Variants in ASB7 observed in about 807,000 individuals in gnomAD.
ASB7 encodes the protein ankyrin repeat and SOCS box containing 7.
ASB7 carries 4 observed loss-of-function variants against 32.5 expected under a neutral mutation model. The observed-to-expected ratio is 0.12, with a 90% CI of 0.06 to 0.28. ASB7 has a LOEUF of 0.28. Among genes scored for constraint, ASB7 ranks in the 10% least tolerant of loss-of-function variants. The probability of loss-of-function intolerance (pLI) is 1.00; values close to 1 mark genes in which losing one functional copy is unlikely to be tolerated. For synonymous variants in ASB7, 172 were observed against 155.6 expected (o/e 1.11, Z -0.78); for missense variants, 181 against 407.1 (o/e 0.44, Z 4.78).
chr15:100,635,078 G>A (rs907941160), intron 5 of ASB7, among the ~76,000 whole-genome samples: 4 of 152,146 alleles, frequency 2.6e-5, no homozygotes, highest in Admixed American at 1.3e-4. Flanking sequence ...AAAAGGCAAA[G>A]CAGAGTCAAA....
chr15:100,619,337 G>T (rs2039771595), intron 4 of ASB7, among the ~76,000 whole-genome samples: 1 of 152,218 alleles, frequency 6.6e-6, no homozygotes, highest in South Asian at 2.1e-4. Flanking sequence ...AGGGACATTG[G>T]TGAGGTGTCA....
At chr15:100,624,939 A>G (rs1160817879) in intron 4 of ASB7, among the ~76,000 whole-genome samples, 1 of 152,250 alleles carries the variant, frequency 6.6e-6, no homozygotes, top group Non-Finnish European at 1.5e-5. Flanking sequence ...TATTTACTCC[A>G]GGAGTACAAT....
At chr15:100,606,001 C>T (rs28462671) in intron 2 of ASB7, among the ~76,000 whole-genome samples, 8 of 152,134 alleles carry the variant, frequency 5.3e-5, no homozygotes, top group Non-Finnish European at 1.2e-4. Context: ...GGATCATAAC[C>T]ACTATGCTAT....
chr15:100,618,283 A>T (rs1803786554), intron 4 of ASB7, among the ~76,000 whole-genome samples: 1 of 146,982 alleles, frequency 6.8e-6, no homozygotes, highest in South Asian at 2.2e-4. Context: ...CACCCAGCTA[A>T]TTTTTTTTTT....
At chr15:100,625,475 G>C (rs1263506814) in intron 4 of ASB7, among the ~76,000 whole-genome samples, 1 of 152,098 alleles carries the variant, frequency 6.6e-6, no homozygotes, top group Non-Finnish European at 1.5e-5. Context: ...TAGCAACAAA[G>C]TTTAAAATAT....
chr15:100,637,639 G>C (rs1199434128), intron 5 of ASB7, among the ~76,000 whole-genome samples: 1 of 152,210 alleles, frequency 6.6e-6, no homozygotes, highest in East Asian at 1.9e-4. Context: ...AAGTTCATCA[G>C]TTTGGTTCCA....
At chr15:100,624,168 A>G (rs1002075676) in intron 4 of ASB7, among the ~76,000 whole-genome samples, 1 of 152,222 alleles carries the variant, frequency 6.6e-6, no homozygotes, top group Admixed American at 6.5e-5. Flanking sequence ...TGTTGGTGGT[A>G]GGAGGAGATA....
intron 2 of ASB7, among the ~76,000 whole-genome samples, chr15:100,603,634 C>G (rs76091187): frequency 0.015 from 2,226 of 152,250 alleles, 62 homozygotes; most frequent in African/African-American, 0.052. Context: ...CTTCCTTACT[C>G]TCATAGGAAT....
intron 4 of ASB7, among the ~76,000 whole-genome samples, chr15:100,624,550 A>T (rs1352048024): frequency 6.6e-6 from 1 of 152,252 alleles, no homozygotes; most frequent in Non-Finnish European, 1.5e-5. Flanking sequence ...GGAAAAATGG[A>T]CAGATTTCCT....
At chr15:100,624,173 G>T (rs865787102) in intron 4 of ASB7, among the ~76,000 whole-genome samples, 1 of 152,220 alleles carries the variant, frequency 6.6e-6, no homozygotes, top group South Asian at 2.1e-4. Context: ...GTGGTAGGAG[G>T]AGATAAAGAG....
chr15:100,607,027 C>G (rs933747035), intron 2 of ASB7, among the ~76,000 whole-genome samples: 1 of 152,044 alleles, frequency 6.6e-6, no homozygotes, highest in African/African-American at 2.4e-5. Flanking sequence ...GTGGCACGCT[C>G]CTGTAGTCCC....
At chr15:100,631,090 AG>A (rs2039879771) in intron 5 of ASB7, among the ~76,000 whole-genome samples, 1 of 152,214 alleles carries the variant, frequency 6.6e-6, no homozygotes, top group South Asian at 2.1e-4. Context: ...TGAATTTTGC[AG>A]ATTCATGGAA....
At chr15:100,646,529 C>A in intron 5 of ASB7, 2 of 420,508 alleles carry the variant, frequency 4.8e-6, no homozygotes, top group Non-Finnish European at 4.9e-6. Context: ...TCATTTCTGC[C>A]CTTTAGTAAT....
intron 2 of ASB7, among the ~76,000 whole-genome samples, chr15:100,606,017 G>A (rs62037149): frequency 0.18 from 27,861 of 152,120 alleles, 3,352 homozygotes; most frequent in Non-Finnish European, 0.27. Flanking sequence ...GCTATACTTT[G>A]TTGAGTGACA....
At chr15:100,640,072 C>T (rs539626686) in intron 5 of ASB7, among the ~76,000 whole-genome samples, 1 of 152,288 alleles carries the variant, frequency 6.6e-6, no homozygotes, top group East Asian at 1.9e-4. Context: ...ACATTTTATA[C>T]TAGGGTCCCT....
At chr15:100,614,742 CAAAAAAA>C (rs58705118) in intron 4 of ASB7, among the ~76,000 whole-genome samples, 5 of 57,222 alleles carry the variant, frequency 8.7e-5, no homozygotes, top group Middle Eastern at 6.9e-3. Context: ...AGCTGATGAG[CAAAAAAA>C]AAAAAAAAAA....
chr15:100,633,302 C>T (rs963737608), intron 5 of ASB7, among the ~76,000 whole-genome samples: 1 of 151,382 alleles, frequency 6.6e-6, no homozygotes, highest in Non-Finnish European at 1.5e-5. Flanking sequence ...GACGGCTGGG[C>T]GCAGTGGCTC....
At chr15:100,617,967 C>T (rs2039758175) in intron 4 of ASB7, among the ~76,000 whole-genome samples, 2 of 152,102 alleles carry the variant, frequency 1.3e-5, no homozygotes, top group Non-Finnish European at 2.9e-5. Context: ...ATGCCTCCCC[C>T]CACCCCCCAC....
At chr15:100,630,279 G>A in intron 5 of ASB7, 1 of 993,438 alleles carries the variant, frequency 1.0e-6, no homozygotes, top group Non-Finnish European at 1.3e-6. Flanking sequence ...AGTGAGGGAA[G>A]GAATGGAGAG....
Sources: allele counts gnomAD v4.1 joint callset (sites outside exome capture counted in the v4.1 genomes callset), GRCh38; gene constraint gnomAD v4.1.1; transcripts MANE v1.5; gene names NCBI Gene and HGNC (gene_info 2026-07-23, HGNC 2026-07-21).